The following HACE1 variants were observed in gnomAD, a reference collection of about 807,000 sequenced individuals.
The protein encoded by HACE1 is E3 ubiquitin-protein ligase HACE1.
Under a neutral mutation model 118.4 loss-of-function variants are expected in HACE1, and 73 were observed. The ratio of observed to expected loss-of-function variants is 0.62; its 90% confidence interval spans 0.51 to 0.75. HACE1 has a LOEUF of 0.75. Ranked by LOEUF, HACE1 falls within the 30% of genes least tolerant of loss-of-function variation. HACE1 has a pLI of 0.00. For synonymous variants in HACE1, 368 were observed against 374.8 expected (o/e 0.98, Z 0.21); for missense variants, 749 against 1,102.2 (o/e 0.68, Z 4.54).
At chr6:104,742,873 T>C (rs1392769996) in intron 22 of HACE1, among the ~76,000 whole-genome samples, 1 of 152,008 alleles carries the variant, frequency 6.6e-6, no homozygotes, top group African/African-American at 2.4e-5. Context: ...ATATGTTTAT[T>C]GCGGCATTAT....
intron 17 of HACE1, among the ~76,000 whole-genome samples, chr6:104,774,887 C>T (rs1011007406): frequency 1.2e-4 from 19 of 152,160 alleles, no homozygotes; most frequent in Admixed American, 5.9e-4. Flanking sequence ...TTATAGATAT[C>T]GGGTCTACCC....
intron 6 of HACE1, among the ~76,000 whole-genome samples, chr6:104,812,373 G>A (rs1771719595): frequency 6.6e-6 from 1 of 151,798 alleles, no homozygotes; most frequent in Admixed American, 6.6e-5. Context: ...TTGAGCCCAG[G>A]AGTTCAAGGC....
At chr6:104,778,425 G>GT (rs1354948017) in intron 14 of HACE1, among the ~76,000 whole-genome samples, 3 of 151,994 alleles carry the variant, frequency 2.0e-5, no homozygotes, top group Non-Finnish European at 4.4e-5. Flanking sequence ...ATGAGCTATA[G>GT]AAGTCCTGGT....
At chr6:104,768,397 A>G (rs1562325311) in intron 19 of HACE1, among the ~76,000 whole-genome samples, 3 of 152,180 alleles carry the variant, frequency 2.0e-5, no homozygotes, top group African/African-American at 7.2e-5. Context: ...CCAAAAATCA[A>G]TAGTATTTCC....
At chr6:104,848,434 G>C (rs569489712) in intron 4 of HACE1, among the ~76,000 whole-genome samples, 1 of 148,912 alleles carries the variant, frequency 6.7e-6, no homozygotes, top group Non-Finnish European at 1.5e-5. Flanking sequence ...CCAGCCTGGT[G>C]ACGGAGTGAG....
intron 14 of HACE1, among the ~76,000 whole-genome samples, chr6:104,781,949 C>A (rs572876819): frequency 6.6e-6 from 1 of 152,174 alleles, no homozygotes; most frequent in Admixed American, 6.5e-5. Context: ...ACTAAATTGT[C>A]CAGGAAGGGA....
At chr6:104,856,179 C>G (rs1175246473) in intron 1 of HACE1, among the ~76,000 whole-genome samples, 4 of 152,094 alleles carry the variant, frequency 2.6e-5, no homozygotes, top group Non-Finnish European at 5.9e-5. Context: ...TTTAATCTAT[C>G]ACTTTATTAG....
At chr6:104,754,659 A>G (rs1262009980) in intron 19 of HACE1, among the ~76,000 whole-genome samples, 1 of 152,246 alleles carries the variant, frequency 6.6e-6, no homozygotes, top group Non-Finnish European at 1.5e-5. Context: ...AGAATTTCCA[A>G]CTGAGAATTT....
intron 6 of HACE1, among the ~76,000 whole-genome samples, chr6:104,825,312 G>A (rs765386728): frequency 1.3e-5 from 2 of 152,072 alleles, no homozygotes; most frequent in Non-Finnish European, 2.9e-5. Flanking sequence ...CTCTTTGCGA[G>A]GCAGATGGGA....
At chr6:104,749,635 C>A (rs1226574248) in intron 20 of HACE1, among the ~76,000 whole-genome samples, 1 of 151,918 alleles carries the variant, frequency 6.6e-6, no homozygotes, top group African/African-American at 2.4e-5. Flanking sequence ...AAGAAAGCAG[C>A]TATATGCTAT....
intron 14 of HACE1, among the ~76,000 whole-genome samples, chr6:104,780,046 TACTC>T (rs1349708180): frequency 1.3e-5 from 2 of 152,294 alleles, no homozygotes; most frequent in South Asian, 2.1e-4. Context: ...AATGCTCTAA[TACTC>T]AATACCTAGA....
intron 6 of HACE1, among the ~76,000 whole-genome samples, chr6:104,832,086 T>C (rs190131236): frequency 8.6e-5 from 13 of 152,018 alleles, no homozygotes; most frequent in African/African-American, 1.4e-4. Flanking sequence ...CCATACACAA[T>C]GCAAGTAGAA....
chr6:104,778,516 T>G (rs1781432936), intron 14 of HACE1, among the ~76,000 whole-genome samples: 1 of 151,738 alleles, frequency 6.6e-6, no homozygotes. Flanking sequence ...GAGAAGAGGC[T>G]GGGTATGGTG....
At chr6:104,844,907 G>A (rs977798228) in intron 4 of HACE1, among the ~76,000 whole-genome samples, 7 of 149,400 alleles carry the variant, frequency 4.7e-5, no homozygotes, top group African/African-American at 1.5e-4. Context: ...CAGGCAATCC[G>A]CCTGCCTCAG....
At position 104,852,303 on chromosome 6, in the gene HACE1, G is replaced by C; in HGVS notation, c.131+14C>G. Reference sequence around the variant, plus strand: ...GCTTCTTAAAAAGCAAAAATTTTTGGAACAAGCACTCACCTGTGTTGATCA... The same window carrying C: ...GCTTCTTAAAAAGCAAAAATTTTTGCAACAAGCACTCACCTGTGTTGATCA... On this transcript the variant is annotated intron_variant, in intron 2 of 23. Transcript: ENST00000262903. 6.2e-7 allele frequency: 1 copy of C among 1,600,062 alleles called. No homozygotes were observed. The highest frequency in any genetic ancestry group is 1.3e-5 in the African/African-American group (1 of 74,504).
chr6:104,731,363 G>C (rs1467111799), intron 22 of HACE1: 1 of 151,674 alleles, frequency 6.6e-6, no homozygotes, highest in Non-Finnish European at 1.5e-5. Context: ...ATAACATAAA[G>C]CATAGTTTAG....
chr6:104,771,096 A>T, intron 19 of HACE1, 97 bp downstream of exon 19: 3 of 848,674 alleles, frequency 3.5e-6, no homozygotes, highest in Non-Finnish European at 6.1e-6. Context: ...TGTAATAGTA[A>T]AAGTTTTTCT....
intron 5 of HACE1, among the ~76,000 whole-genome samples, chr6:104,838,200 A>G (rs1774734381): frequency 1.3e-5 from 2 of 152,326 alleles, no homozygotes; most frequent in Non-Finnish European, 2.9e-5. Context: ...AGAAACAGAA[A>G]AGATAATTCT....
At chr6:104,774,720 A>G (rs933876715) in intron 17 of HACE1, among the ~76,000 whole-genome samples, 24 of 152,210 alleles carry the variant, frequency 1.6e-4, no homozygotes, top group Non-Finnish European at 3.5e-4. Flanking sequence ...ACAAAGGCGC[A>G]GAATAGTTAA....
Sources: allele counts gnomAD v4.1 joint callset (sites outside exome capture counted in the v4.1 genomes callset), GRCh38; gene constraint gnomAD v4.1.1; transcripts MANE v1.5; gene names NCBI Gene and HGNC (gene_info 2026-07-23, HGNC 2026-07-21).